CTNNA2: variants seen among roughly 807,000 people sequenced by gnomAD.
CTNNA2 encodes catenin alpha 2, also known as catenin alpha-2.
Under a neutral mutation model 101.0 loss-of-function variants are expected in CTNNA2, and 42 were observed. That is an observed-to-expected ratio of 0.42 (90% CI 0.32 to 0.54). CTNNA2 has a LOEUF of 0.54. Ranked by LOEUF, CTNNA2 falls within the 20% of genes least tolerant of loss-of-function variation. The pLI is 0.14. For missense variants in CTNNA2, 871 were observed against 1,223.1 expected, an observed-to-expected ratio of 0.71 and a Z score of 4.29; for synonymous variants, 450 against 456.4, an observed-to-expected ratio of 0.99 and a Z score of 0.18.
chr2:79,882,655 C>T (rs1350620502), intron 6 of CTNNA2, among the ~76,000 whole-genome samples: 1 of 152,226 alleles, frequency 6.6e-6, no homozygotes, highest in African/African-American at 2.4e-5. Context: ...TTGTACCTCC[C>T]AGGGCTGGCT....
intron 7 of CTNNA2, among the ~76,000 whole-genome samples, chr2:80,342,240 A>C (rs1672311863): frequency 6.6e-6 from 1 of 152,212 alleles, no homozygotes; most frequent in Non-Finnish European, 1.5e-5. Flanking sequence ...CTTTGAGTGA[A>C]TTTTATGGCA....
At chr2:79,212,513 A>AAT (rs1248161791) in intron 2 of CTNNA2, among the ~76,000 whole-genome samples, 1 of 152,168 alleles carries the variant, frequency 6.6e-6, no homozygotes, top group East Asian at 1.9e-4. Context: ...TTAAAAGACC[A>AAT]ATAGTACATT....
intron 7 of CTNNA2, among the ~76,000 whole-genome samples, chr2:80,235,721 G>A (rs1335343019): frequency 6.6e-6 from 1 of 152,186 alleles, no homozygotes; most frequent in East Asian, 1.9e-4. Context: ...CAAGTACCTG[G>A]TGTTAGTCTC....
At chr2:80,623,801 C>G (rs1353418637) in intron 18 of CTNNA2, among the ~76,000 whole-genome samples, 3 of 151,786 alleles carry the variant, frequency 2.0e-5, no homozygotes, top group Non-Finnish European at 4.4e-5. Context: ...TTTTAGAATC[C>G]CTGCAAGGCA....
At chr2:79,209,144 C>T (rs1000438304) in intron 2 of CTNNA2, among the ~76,000 whole-genome samples, 1 of 152,036 alleles carries the variant, frequency 6.6e-6, no homozygotes, top group African/African-American at 2.4e-5. Flanking sequence ...AGCTAAACCC[C>T]ATCTCTACAA....
At chr2:80,628,072 C>T (rs995148610) in intron 18 of CTNNA2, among the ~76,000 whole-genome samples, 2 of 152,092 alleles carry the variant, frequency 1.3e-5, no homozygotes, top group East Asian at 3.9e-4. Context: ...TAAAGGACCT[C>T]TTCAAGGAGA....
chr2:80,175,529 A>G (rs906882185), intron 7 of CTNNA2, among the ~76,000 whole-genome samples: 2 of 152,208 alleles, frequency 1.3e-5, no homozygotes, highest in Non-Finnish European at 2.9e-5. Flanking sequence ...TTTAGTGAGC[A>G]CCTACATGTG....
At chr2:80,457,277 T>C (rs983516713) in intron 9 of CTNNA2, among the ~76,000 whole-genome samples, 3 of 152,120 alleles carry the variant, frequency 2.0e-5, no homozygotes, top group Admixed American at 6.6e-5. Flanking sequence ...TTGGCAAGGC[T>C]GGTTTCAAAC....
At chr2:79,207,368 CT>C (rs1674112769) in intron 2 of CTNNA2, among the ~76,000 whole-genome samples, 2 of 152,156 alleles carry the variant, frequency 1.3e-5, no homozygotes, top group Admixed American at 6.5e-5. Context: ...AAAGCTACCC[CT>C]TAAGGTAAAG....
At chr2:80,535,800 C>T (rs1690959544) in intron 9 of CTNNA2, among the ~76,000 whole-genome samples, 1 of 152,190 alleles carries the variant, frequency 6.6e-6, no homozygotes. Flanking sequence ...TGTAGAACTG[C>T]AGTGACTGTT....
chr2:79,845,290 T>C (rs1362459830), intron 3 of CTNNA2, among the ~76,000 whole-genome samples: 1 of 151,312 alleles, frequency 6.6e-6, no homozygotes, highest in Non-Finnish European at 1.5e-5. Flanking sequence ...TGGAAGTAAG[T>C]AGGGCAGAAA....
intron 2 of CTNNA2, among the ~76,000 whole-genome samples, chr2:79,306,789 T>C (rs1339775295): frequency 6.6e-6 from 1 of 152,248 alleles, no homozygotes; most frequent in Admixed American, 6.5e-5. Context: ...CCTGTTTTCA[T>C]CTGACTTTAA....
chr2:80,020,514 C>A (rs1264953246), intron 7 of CTNNA2, among the ~76,000 whole-genome samples: 2 of 151,996 alleles, frequency 1.3e-5, no homozygotes, highest in African/African-American at 4.8e-5. Flanking sequence ...TGTGAAGGAC[C>A]AGATCATGAT....
chr2:79,429,882 G>T (rs764270887), intron 4 of CTNNA2, among the ~76,000 whole-genome samples: 1 of 152,058 alleles, frequency 6.6e-6, no homozygotes, highest in Admixed American at 6.6e-5. Context: ...AATCATGTTC[G>T]TATGCCTTAA....
At chr2:79,563,588 A>G (rs1164119603) in intron 1 of CTNNA2, among the ~76,000 whole-genome samples, 1 of 152,140 alleles carries the variant, frequency 6.6e-6, no homozygotes, top group Non-Finnish European at 1.5e-5. Context: ...TTTGGTCAAA[A>G]CAATCTTATT....
At chr2:79,370,845 T>G (rs1421413203) in intron 3 of CTNNA2, among the ~76,000 whole-genome samples, 2 of 152,180 alleles carry the variant, frequency 1.3e-5, no homozygotes, top group Non-Finnish European at 2.9e-5. Flanking sequence ...CGCCTTTTTC[T>G]CCACCCTTTT....
chr2:80,607,172 C>T (rs1439139911), intron 16 of CTNNA2, among the ~76,000 whole-genome samples: 1 of 151,812 alleles, frequency 6.6e-6, no homozygotes, highest in Non-Finnish European at 1.5e-5. Flanking sequence ...TTTCTCCCAT[C>T]CTCTCATTCT....
At chr2:79,332,541 A>G (rs1676898611) in intron 3 of CTNNA2, among the ~76,000 whole-genome samples, 1 of 152,210 alleles carries the variant, frequency 6.6e-6, no homozygotes, top group African/African-American at 2.4e-5. Flanking sequence ...AGGATTGTAG[A>G]AAAATCTTTA....
chr2:80,160,848 A>G (rs1704271010), intron 7 of CTNNA2, among the ~76,000 whole-genome samples: 1 of 152,050 alleles, frequency 6.6e-6, no homozygotes, highest in Admixed American at 6.6e-5. Context: ...CCAATCTTAT[A>G]GGAAAATCAT....
Sources: allele counts gnomAD v4.1 joint callset (sites outside exome capture counted in the v4.1 genomes callset), GRCh38; gene constraint gnomAD v4.1.1; transcripts MANE v1.5; gene names NCBI Gene and HGNC (gene_info 2026-07-23, HGNC 2026-07-21).